Variants in NUDT3 observed in about 807,000 individuals in gnomAD.
NUDT3 encodes nudix hydrolase 3, also known as diphosphoinositol polyphosphate phosphohydrolase 1.
Under a neutral mutation model 23.6 loss-of-function variants are expected in NUDT3, and 9 were observed. That is an observed-to-expected ratio of 0.38 (90% CI 0.23 to 0.66). NUDT3 has a LOEUF of 0.66. NUDT3 is among the 30% of genes least tolerant of loss of function. The pLI is 0.52. For synonymous variants in NUDT3, 86 were observed against 82.6 expected, an observed-to-expected ratio of 1.04 and a Z score of -0.22; for missense variants, 172 against 218.5, an observed-to-expected ratio of 0.79 and a Z score of 1.34.
At chr6:34,324,246 A>T (rs1258500963) in intron 2 of NUDT3, among the ~76,000 whole-genome samples, 4 of 152,072 alleles carry the variant, frequency 2.6e-5, no homozygotes, top group African/African-American at 9.7e-5. Flanking sequence ...CCAGCTACTC[A>T]GGAGACTGTG....
rs371508045 is a variant in NUDT3, at chr6:34,282,933, C to T, written c.*5820G>A. The T allele has an allele frequency of 1.4e-4, 21 of 152,160 alleles. No homozygotes were observed. Among genetic ancestry groups the T allele is most frequent in the East Asian group, 5.8e-4 (3 of 5,198 alleles). The allele number at this position is 152,160 out of a possible 1,614,324, so 9.4% of individuals were successfully genotyped here. Reference sequence around the variant, plus strand: ...TTCTTTCCACCTTCTAGATAGTAATCTTACTTTTGTTGGCTAAAAGCACTT... The same window carrying T: ...TTCTTTCCACCTTCTAGATAGTAATTTTACTTTTGTTGGCTAAAAGCACTT... On this transcript the variant is annotated 3_prime_UTR_variant, in exon 5 of 5. Transcript: ENST00000607016.
intron 1 of NUDT3, among the ~76,000 whole-genome samples, chr6:34,362,696 T>TC (rs1764668954): frequency 3.3e-5 from 5 of 152,066 alleles, no homozygotes; most frequent in African/African-American, 1.2e-4. Context: ...CTTCAAGTGA[T>TC]CCCCCCACCT....
chr6:34,303,916 A>C (rs1763636435), intron 2 of NUDT3, among the ~76,000 whole-genome samples: 1 of 152,182 alleles, frequency 6.6e-6, no homozygotes, highest in African/African-American at 2.4e-5. Context: ...ATACCATATG[A>C]ATTCTAAAGC....
intron 1 of NUDT3, among the ~76,000 whole-genome samples, chr6:34,364,204 T>C (rs1764691375): frequency 6.6e-6 from 1 of 152,218 alleles, no homozygotes; most frequent in Non-Finnish European, 1.5e-5. Flanking sequence ...ACATGTAACA[T>C]GATTGTAAAA....
In NUDT3 at chr6:34,291,011, G is replaced by A. The variant is rs375850379; in HGVS notation, c.341-2080C>T. On this transcript the variant is annotated intron_variant, in intron 4 of 4. Coordinates refer to ENST00000607016, the MANE Select transcript of NUDT3 (RefSeq NM_006703.4). ...GGCTCACTCCGTCATGCAGGCTGGAGTGCAGTGGCGTTATCTTAGCTCACT... is the reference window on the plus strand; with the variant it reads ...GGCTCACTCCGTCATGCAGGCTGGAATGCAGTGGCGTTATCTTAGCTCACT... 2.4e-4 allele frequency among the ~76,000 whole-genome samples: 37 copies of A among 151,986 alleles called. 1 individual carries two copies. In the South Asian group the frequency reaches 7.3e-3, roughly 30 times the overall value.
intron 1 of NUDT3, among the ~76,000 whole-genome samples, chr6:34,377,296 A>G (rs1423185106): frequency 6.6e-6 from 1 of 152,134 alleles, no homozygotes; most frequent in Non-Finnish European, 1.5e-5. Context: ...ACAGTTTTAA[A>G]ACCATCACTG....
chr6:34,351,840 A>G (rs925058345), intron 1 of NUDT3, among the ~76,000 whole-genome samples: 1 of 151,942 alleles, frequency 6.6e-6, no homozygotes, highest in African/African-American at 2.4e-5. Context: ...TTGCCTCTGT[A>G]CAGTGCAATT....
intron 2 of NUDT3, among the ~76,000 whole-genome samples, chr6:34,337,035 T>C (rs1297420458): frequency 1.3e-5 from 2 of 152,236 alleles, no homozygotes; most frequent in Non-Finnish European, 1.5e-5. Flanking sequence ...AATTCTCTGT[T>C]GATAAAACTG....
Position 34,280,855 on chromosome 6 carries a change from T to G in NUDT3, c.*7898A>C, listed in dbSNP as rs1375111151. On this transcript the variant is annotated 3_prime_UTR_variant, in exon 5 of 5. Transcript: ENST00000607016. ...GTACATGGGTCCCTGGCTCTCTGTCTCAGTTCCACAGATATTACTCAACTT... is the reference window on the plus strand; with the variant it reads ...GTACATGGGTCCCTGGCTCTCTGTCGCAGTTCCACAGATATTACTCAACTT... 1 of 152,174 alleles carries G rather than the reference T, an allele frequency of 6.6e-6. No individual in the cohort carries two copies. Among genetic ancestry groups the G allele is most frequent in the Non-Finnish European group, 1.5e-5 (1 of 68,042 alleles). The allele number at this position is 152,174 out of a possible 1,614,324, so 9.4% of individuals were successfully genotyped here.
chr6:34,301,448 AGG>A (rs1763595816), intron 2 of NUDT3, among the ~76,000 whole-genome samples: 2 of 152,216 alleles, frequency 1.3e-5, no homozygotes, highest in Non-Finnish European at 2.9e-5. Flanking sequence ...ATGGTTTACC[AGG>A]TCCAAGCCTA....
chr6:34,333,704 T>A (rs1764163879), intron 2 of NUDT3, among the ~76,000 whole-genome samples: 1 of 152,190 alleles, frequency 6.6e-6, no homozygotes, highest in African/African-American at 2.4e-5. Flanking sequence ...TAACCATGGG[T>A]TGCCATGCTT....
At chr6:34,313,144 C>T (rs192370913) in intron 2 of NUDT3, among the ~76,000 whole-genome samples, 22 of 152,138 alleles carry the variant, frequency 1.4e-4, no homozygotes, top group Admixed American at 7.9e-4. Flanking sequence ...CACTGCACTC[C>T]GGCCTGGGTG....
chr6:34,317,833 T>C (rs964975380), intron 2 of NUDT3, among the ~76,000 whole-genome samples: 3 of 152,202 alleles, frequency 2.0e-5, no homozygotes, highest in Non-Finnish European at 2.9e-5. Flanking sequence ...TAGTTCTTCA[T>C]GGATTACTTC....
intron 1 of NUDT3, among the ~76,000 whole-genome samples, chr6:34,367,930 C>T (rs1235433125): frequency 2.0e-5 from 3 of 152,200 alleles, no homozygotes; most frequent in African/African-American, 7.2e-5. Context: ...TGGCCAGGCG[C>T]AGTGGCTCAC....
At chr6:34,345,997 G>A (rs80273927) in intron 1 of NUDT3, among the ~76,000 whole-genome samples, 2 of 151,906 alleles carry the variant, frequency 1.3e-5, no homozygotes, top group African/African-American at 2.4e-5. Flanking sequence ...TCGAACTCCC[G>A]AACTCAGGTC....
intron 1 of NUDT3, among the ~76,000 whole-genome samples, chr6:34,346,303 G>A (rs2113738516): frequency 1.3e-5 from 2 of 152,244 alleles, no homozygotes; most frequent in South Asian, 4.1e-4. Flanking sequence ...GTAGTAAAAT[G>A]GGTTAATCCT....
intron 1 of NUDT3, among the ~76,000 whole-genome samples, chr6:34,371,351 A>C (rs950121496): frequency 3.3e-5 from 5 of 151,866 alleles, no homozygotes; most frequent in Admixed American, 6.6e-5. Context: ...CGGTAGTCCA[A>C]GCTACTCGGG....
intron 2 of NUDT3, among the ~76,000 whole-genome samples, chr6:34,326,749 C>G (rs574620346): frequency 6.6e-6 from 1 of 152,114 alleles, no homozygotes; most frequent in South Asian, 2.1e-4. Context: ...TATAGGCACC[C>G]GCCACCATGC....
chr6:34,298,345 G>A (rs1763546603), intron 2 of NUDT3, among the ~76,000 whole-genome samples: 2 of 152,114 alleles, frequency 1.3e-5, no homozygotes, highest in African/African-American at 4.8e-5. Flanking sequence ...CTGGGCAACA[G>A]AGACATCTTG....
Sources: allele counts gnomAD v4.1 joint callset (sites outside exome capture counted in the v4.1 genomes callset), GRCh38; gene constraint gnomAD v4.1.1; transcripts MANE v1.5; gene names NCBI Gene and HGNC (gene_info 2026-07-23, HGNC 2026-07-21).